The following MICU2 variants were observed in gnomAD, a reference collection of about 807,000 sequenced individuals.
The protein encoded by MICU2 is calcium uptake protein 2, mitochondrial.
Under a neutral mutation model 60.4 loss-of-function variants are expected in MICU2, and 64 were observed. The ratio of observed to expected loss-of-function variants is 1.06; its 90% CI spans 0.87 to 1.31. MICU2 has a LOEUF of 1.31. Ranked by LOEUF, MICU2 falls within the 50% of genes most tolerant of loss-of-function variation. The pLI, the probability that MICU2 is intolerant of heterozygous loss-of-function variation, is 0.00. For synonymous variants in MICU2, 201 were observed against 175.0 expected, an observed-to-expected ratio of 1.15 and a Z score of -1.17; for missense variants, 569 against 531.0, an observed-to-expected ratio of 1.07 and a Z score of -0.70.
chr13:21,496,019 G>A (rs781483615), intron 10 of MICU2, 33 bp downstream of exon 10: 1 of 1,467,910 alleles, frequency 6.8e-7, no homozygotes, highest in Non-Finnish European at 9.4e-7. Context: ...GTTTATAGAT[G>A]ATAAAAATTA....
At chr13:21,569,144 T>C (rs781120206) in intron 1 of MICU2, among the ~76,000 whole-genome samples, 10 of 152,180 alleles carry the variant, frequency 6.6e-5, no homozygotes, top group Admixed American at 2.6e-4. Flanking sequence ...TTGCAGACCA[T>C]GAATTTAGAA....
intron 2 of MICU2, among the ~76,000 whole-genome samples, chr13:21,548,807 A>C (rs886400572): frequency 6.6e-6 from 1 of 152,162 alleles, no homozygotes; most frequent in African/African-American, 2.4e-5. Context: ...CAGGAATCTA[A>C]GAGAGGGAGG....
chr13:21,514,229 A>G (rs917443611), intron 7 of MICU2, 124 bp downstream of exon 7: 2 of 732,814 alleles, frequency 2.7e-6, no homozygotes, highest in Non-Finnish European at 4.5e-6. Flanking sequence ...TATGTGGTGC[A>G]TGACTGTATT....
chr13:21,531,465 T>C, intron 4 of MICU2: 1 of 627,408 alleles, frequency 1.6e-6, no homozygotes, highest in Non-Finnish European at 2.8e-6. Flanking sequence ...CAAGAACTGA[T>C]GCTCCTTGGG....
chr13:21,530,873 T>C, intron 4 of MICU2: 5 of 754,032 alleles, frequency 6.6e-6, no homozygotes, highest in Non-Finnish European at 1.2e-5. Context: ...CCCTCCTACG[T>C]CCTGTACAGC....
chr13:21,553,390 T>C (rs1160463447), intron 2 of MICU2, among the ~76,000 whole-genome samples: 4 of 152,194 alleles, frequency 2.6e-5, no homozygotes, highest in Non-Finnish European at 5.9e-5. Flanking sequence ...CAATTTGACT[T>C]CCTCTTTTCC....
At chr13:21,574,965 A>ATGT (rs1181191591) in intron 1 of MICU2, among the ~76,000 whole-genome samples, 43 of 152,366 alleles carry the variant, frequency 2.8e-4, no homozygotes, top group African/African-American at 1.0e-3. Flanking sequence ...GCCTCACAAT[A>ATGT]CATTCTACAA....
chr13:21,506,819 C>T (rs1886301389), intron 8 of MICU2, among the ~76,000 whole-genome samples: 1 of 152,208 alleles, frequency 6.6e-6, no homozygotes, highest in Non-Finnish European at 1.5e-5. Flanking sequence ...TACCCTGTCA[C>T]TCCTGTATTT....
At chr13:21,571,524 C>T (rs922966893) in intron 1 of MICU2, among the ~76,000 whole-genome samples, 9 of 152,066 alleles carry the variant, frequency 5.9e-5, no homozygotes, top group Non-Finnish European at 1.2e-4. Flanking sequence ...AGTGAAACCC[C>T]GTCTCTACAA....
intron 1 of MICU2, among the ~76,000 whole-genome samples, chr13:21,585,989 T>G (rs1888448725): frequency 6.6e-6 from 1 of 152,232 alleles, no homozygotes; most frequent in African/African-American, 2.4e-5. Context: ...CCAAGGTTTA[T>G]GAAAAAACAT....
intron 1 of MICU2, among the ~76,000 whole-genome samples, chr13:21,586,577 T>G (rs79709206): frequency 6.6e-6 from 1 of 152,084 alleles, no homozygotes; most frequent in Non-Finnish European, 1.5e-5. Flanking sequence ...CTGGCCATTT[T>G]TTTTTCTATT....
At chr13:21,556,011 C>T (rs1477939173) in intron 2 of MICU2, among the ~76,000 whole-genome samples, 1 of 152,122 alleles carries the variant, frequency 6.6e-6, no homozygotes, top group Non-Finnish European at 1.5e-5. Context: ...TCTCACCTAC[C>T]AACACATATT....
chr13:21,514,384 ATCAAG>A lies in MICU2; in HGVS notation c.627_631del (p.Leu210AspfsTer5). On this transcript the variant is annotated frameshift_variant, in exon 7 of 12. Coordinates refer to ENST00000382374, the MANE Select transcript of MICU2 (RefSeq NM_152726.3). LOFTEE classifies it high-confidence loss of function. ...TCCAGTTTCATTAGTTTTCACTGTCATCAAGTCATCTTGTTTACTTATGATCTTCT... is the reference window on the plus strand; with the variant it reads ...TCCAGTTTCATTAGTTTTCACTGTCATCATCTTGTTTACTTATGATCTTCT... The A allele has an allele frequency of 6.2e-7, 1 of 1,613,628 alleles. No individual in the cohort carries two copies. Among genetic ancestry groups the A allele is most frequent in the African/African-American group, 1.3e-5 (1 of 75,000 alleles).
intron 1 of MICU2, among the ~76,000 whole-genome samples, chr13:21,597,787 C>T (rs1341024310): frequency 1.3e-5 from 2 of 151,652 alleles, no homozygotes; most frequent in African/African-American, 2.4e-5. Flanking sequence ...AAAAATTAGC[C>T]GGGCGTCATG....
At chr13:21,576,570 A>G (rs1018958903) in intron 1 of MICU2, among the ~76,000 whole-genome samples, 1 of 152,122 alleles carries the variant, frequency 6.6e-6, no homozygotes, top group Admixed American at 6.6e-5. Flanking sequence ...CTGTAGCTGT[A>G]TTTTACAGTT....
intron 1 of MICU2, among the ~76,000 whole-genome samples, chr13:21,596,128 C>T (rs908336781): frequency 2.6e-5 from 4 of 152,148 alleles, no homozygotes; most frequent in Non-Finnish European, 4.4e-5. Flanking sequence ...ACATTCTCCA[C>T]GTCTCCTCTT....
At chr13:21,516,150 T>C (rs1886563806) in intron 6 of MICU2, among the ~76,000 whole-genome samples, 1 of 152,204 alleles carries the variant, frequency 6.6e-6, no homozygotes, top group Admixed American at 6.5e-5. Context: ...AAAAAATACA[T>C]ATATTAAAAT....
At chr13:21,601,116 T>C (rs1035448246) in intron 1 of MICU2, among the ~76,000 whole-genome samples, 11 of 152,102 alleles carry the variant, frequency 7.2e-5, no homozygotes, top group African/African-American at 2.7e-4. Context: ...ACTATTATTA[T>C]AGGGCCGCGT....
intron 2 of MICU2, among the ~76,000 whole-genome samples, chr13:21,546,305 T>TTA (rs892565478): frequency 5.3e-5 from 8 of 151,842 alleles, no homozygotes; most frequent in African/African-American, 1.9e-4. Context: ...CTTTTTTTTT[T>TTA]TTTTTTTGCA....
Sources: gnomAD v4.1 joint callset for allele counts (sites outside exome capture counted in the v4.1 genomes callset) on GRCh38, gnomAD v4.1.1 for gene constraint, MANE v1.5 for transcripts, NCBI Gene and HGNC (gene_info 2026-07-23, HGNC 2026-07-21) for gene names.